NIPAL3: variants seen among roughly 807,000 people sequenced by gnomAD.
NIPAL3 encodes the protein NIPA-like protein 3.
Under a neutral mutation model 47.2 loss-of-function variants are expected in NIPAL3, and 41 were observed. The ratio of observed to expected loss-of-function variants is 0.87; its 90% CI spans 0.68 to 1.13. The LOEUF is 1.13. NIPAL3 is among the 50% of genes most tolerant of loss of function. The pLI, the probability that NIPAL3 is intolerant of heterozygous loss-of-function variation, is 0.00. For missense variants in NIPAL3, 449 were observed against 530.1 expected (o/e 0.85, Z 1.50); for synonymous variants, 194 against 209.6 (o/e 0.93, Z 0.64).
Position 24,416,244 on chromosome 1 carries a change from G to A in NIPAL3, c.-258+340G>A, listed in dbSNP as rs2148729927. ...GGTGGAGTTAGCAGGTGGGATGAGG[G>A]GAGGCGTTCTTGGTCTAAGCCCGCT... On this transcript the variant is annotated intron_variant, in intron 1 of 11. Coordinates refer to ENST00000374399, the MANE Select transcript of NIPAL3 (RefSeq NM_020448.5). The surrounding 1 kb of genome is among the most constrained non-coding windows in gnomAD (Gnocchi z 4.8). 2.0e-6 allele frequency: 2 copies of A among 985,510 alleles called. No individual in the cohort carries two copies. The highest frequency in any genetic ancestry group is 1.2e-6 in the Non-Finnish European group (1 of 830,024). 61.0% of individuals were successfully genotyped at this position (985,510 alleles called of 1,614,324 possible).
At chr1:24,419,747 G>A in intron 2 of NIPAL3, 107 bp downstream of exon 2, 2 of 931,098 alleles carry the variant, frequency 2.1e-6, no homozygotes, top group Admixed American at 2.2e-5. Context: ...GCCTGTCACT[G>A]GTAGAAACAG....
intron 9 of NIPAL3, 112 bp downstream of exon 9, chr1:24,459,088 G>T: frequency 1.1e-6 from 1 of 901,910 alleles, no homozygotes; most frequent in Admixed American, 2.0e-5. Context: ...AGTGATTTAT[G>T]GGTTCATGGA....
intron 10 of NIPAL3, 62 bp downstream of exon 10, chr1:24,460,606 CCT>C: frequency 5.1e-6 from 7 of 1,363,032 alleles, no homozygotes; most frequent in Non-Finnish European, 6.9e-6. Flanking sequence ...GCAGGTTGCC[CCT>C]CTCTCTCCCT....
At chr1:24,418,891 A>C (rs181131514) in intron 1 of NIPAL3, among the ~76,000 whole-genome samples, 1 of 151,668 alleles carries the variant, frequency 6.6e-6, no homozygotes, top group East Asian at 1.9e-4. Context: ...CTGAAACTTA[A>C]ATAGTTCCCT....
At chr1:24,428,906 G>T (rs1322317330) in intron 2 of NIPAL3, among the ~76,000 whole-genome samples, 5 of 152,102 alleles carry the variant, frequency 3.3e-5, no homozygotes, top group South Asian at 2.1e-4. Flanking sequence ...GGCCACAGTG[G>T]CCTCCCTCTG....
At chr1:24,434,309 A>G (rs12085255) in intron 2 of NIPAL3, among the ~76,000 whole-genome samples, 5,427 of 152,288 alleles carry the variant, frequency 0.036, 334 homozygotes, top group African/African-American at 0.12. Flanking sequence ...CTAATATTAA[A>G]CAAAATAGAC....
At chr1:24,435,839 C>T (rs1482768679) in intron 2 of NIPAL3, among the ~76,000 whole-genome samples, 1 of 152,144 alleles carries the variant, frequency 6.6e-6, no homozygotes, top group African/African-American at 2.4e-5. Context: ...ATTTGGGCTG[C>T]TGTAACAAAA....
intron 1 of NIPAL3, among the ~76,000 whole-genome samples, chr1:24,417,553 A>G (rs1218357563): frequency 6.6e-6 from 1 of 152,246 alleles, no homozygotes; most frequent in Non-Finnish European, 1.5e-5. Context: ...AAGTCTAGCT[A>G]TGGGATGTGA....
intron 6 of NIPAL3, among the ~76,000 whole-genome samples, chr1:24,453,159 G>A (rs980638056): frequency 6.6e-6 from 1 of 152,098 alleles, no homozygotes; most frequent in African/African-American, 2.4e-5. Flanking sequence ...AGAGCAGCAC[G>A]TCACCCTCAA....
At chr1:24,455,897 G>C (rs1159094293) in intron 7 of NIPAL3, among the ~76,000 whole-genome samples, 1 of 152,154 alleles carries the variant, frequency 6.6e-6, no homozygotes, top group Non-Finnish European at 1.5e-5. Flanking sequence ...TTACCTTCAG[G>C]GGGTTGGCTT....
intron 8 of NIPAL3, among the ~76,000 whole-genome samples, chr1:24,458,197 C>CAGG (rs1238533822): frequency 6.6e-6 from 1 of 152,204 alleles, no homozygotes. Context: ...GAGGCTGAGG[C>CAGG]AGGAGCATTT....
At chr1:24,434,614 C>G (rs1570249819) in intron 2 of NIPAL3, among the ~76,000 whole-genome samples, 1 of 152,254 alleles carries the variant, frequency 6.6e-6, no homozygotes, top group East Asian at 1.9e-4. Flanking sequence ...GAATATTCCA[C>G]TCAACAAAAG....
chr1:24,413,925 A>G (rs920353264), upstream of NIPAL3: 7 of 152,262 alleles, frequency 4.6e-5, no homozygotes, highest in African/African-American at 1.4e-4. Flanking sequence ...GGAACTAATA[A>G]GAGGTTTATC....
At chr1:24,448,474 C>T (rs1645777880) in intron 5 of NIPAL3, among the ~76,000 whole-genome samples, 1 of 152,104 alleles carries the variant, frequency 6.6e-6, no homozygotes, top group Admixed American at 6.5e-5. Flanking sequence ...GGTTAAATAG[C>T]CAGTTGAGAA....
At chr1:24,453,147 T>C (rs1455426830) in intron 6 of NIPAL3, among the ~76,000 whole-genome samples, 1 of 152,118 alleles carries the variant, frequency 6.6e-6, no homozygotes, top group African/African-American at 2.4e-5. Context: ...AGAGTGGATA[T>C]GAGAGCAGCA....
At chr1:24,415,249 G>A (rs1643962772), upstream of NIPAL3, 1 of 152,296 alleles carries the variant, frequency 6.6e-6, no homozygotes, top group Non-Finnish European at 1.5e-5. Flanking sequence ...AGGACCTTCA[G>A]TATTGCTGGG....
intron 10 of NIPAL3, among the ~76,000 whole-genome samples, chr1:24,462,358 A>G (rs1200552113): frequency 7.9e-5 from 12 of 152,258 alleles, no homozygotes; most frequent in South Asian, 6.2e-4. Flanking sequence ...ATGAGTATTT[A>G]TATAGTAGCT....
At chr1:24,438,016 C>T (rs1476734681) in intron 2 of NIPAL3, among the ~76,000 whole-genome samples, 2 of 152,208 alleles carry the variant, frequency 1.3e-5, no homozygotes, top group African/African-American at 4.8e-5. Flanking sequence ...CAAGGAGAAA[C>T]TCCCCTGAGA....
chr1:24,449,677 G>T lies in NIPAL3; in HGVS notation c.540+51G>T. ...CCTGAGATGGCAGGAGGGAGATCAA[G>T]TCCTAGAAACCAGAAACGTGAATAC... On this transcript the variant is annotated intron_variant, in intron 6 of 11. Transcript: ENST00000374399. This position sits in a 1 kb window ranked among gnomAD's most constrained non-coding sequence, Gnocchi z 4.5. 6.3e-7 allele frequency: 1 copy of T among 1,579,180 alleles called. No homozygotes were observed. The highest frequency in any genetic ancestry group is 8.6e-7 in the Non-Finnish European group (1 of 1,161,974).
Sources: allele counts gnomAD v4.1 joint callset (sites outside exome capture counted in the v4.1 genomes callset), GRCh38; gene constraint gnomAD v4.1.1; non-coding constraint Gnocchi (gnomAD v3.1); transcripts MANE v1.5; gene names NCBI Gene and HGNC (gene_info 2026-07-23, HGNC 2026-07-21).